Variants in FNIP1 observed in about 807,000 individuals in gnomAD.
FNIP1 encodes folliculin interacting protein 1.
A neutral mutation model predicts 124.5 loss-of-function variants in FNIP1; 40 were observed. The ratio of observed to expected loss-of-function variants is 0.32; its 90% CI spans 0.25 to 0.42. The LOEUF (loss-of-function observed/expected upper bound fraction) is 0.42. Ranked by LOEUF, FNIP1 falls within the 10% of genes least tolerant of loss-of-function variation. FNIP1 has a pLI of 1.00. For synonymous variants in FNIP1, 472 were observed against 470.6 expected (o/e 1.00, Z -0.04); for missense variants, 1,176 against 1,403.7 (o/e 0.84, Z 2.59).
Position 131,643,878 on chromosome 5 carries a change from A to T in FNIP1, c.*807T>A, listed in dbSNP as rs1250490090. The T allele has an allele frequency of 6.6e-6, 1 of 152,582 alleles. No individual in the cohort carries two copies. The highest frequency in any genetic ancestry group is 1.5e-5 in the Non-Finnish European group (1 of 68,022). 9.5% of individuals were successfully genotyped at this position (152,582 alleles called of 1,614,324 possible). On this transcript the variant is annotated 3_prime_UTR_variant, in exon 18 of 18. Transcript: ENST00000510461. ...AGTGAATATGTAAATATTAATATTT[A>T]TAAGAACAGTTCATACTTATAAACA...
At chr5:131,649,130 A>AGGTGC (rs2149502719) in intron 16 of FNIP1, among the ~76,000 whole-genome samples, 1 of 152,322 alleles carries the variant, frequency 6.6e-6, no homozygotes, top group South Asian at 2.1e-4. Context: ...AAGAGTATAT[A>AGGTGC]CTGCCTGAAT....
At chr5:131,745,511 C>A (rs981970032) in intron 1 of FNIP1, among the ~76,000 whole-genome samples, 2 of 151,900 alleles carry the variant, frequency 1.3e-5, no homozygotes, top group African/African-American at 2.4e-5. Context: ...CAGAATGAGA[C>A]CCTGTCTCAA....
intron 2 of FNIP1, among the ~76,000 whole-genome samples, chr5:131,735,448 T>TA (rs1051921451): frequency 2.9e-5 from 4 of 139,780 alleles, no homozygotes; most frequent in African/African-American, 1.1e-4. Context: ...CCCTAGAACT[T>TA]AAAGTATTTT....
intron 6 of FNIP1, among the ~76,000 whole-genome samples, chr5:131,711,000 A>C (rs891070922): frequency 2.6e-5 from 4 of 151,078 alleles, no homozygotes; most frequent in Non-Finnish European, 4.4e-5. Context: ...AAGTACGATA[A>C]TGTTATCTAT....
chr5:131,697,722 T>C (rs1195295443), intron 11 of FNIP1, among the ~76,000 whole-genome samples: 1 of 151,764 alleles, frequency 6.6e-6, no homozygotes, highest in African/African-American at 2.4e-5. Flanking sequence ...TCCCAGCACT[T>C]TGGGAGGCCA....
At chr5:131,649,603 G>T (rs1489895263) in intron 16 of FNIP1, among the ~76,000 whole-genome samples, 1 of 152,008 alleles carries the variant, frequency 6.6e-6, no homozygotes, top group Admixed American at 6.5e-5. Flanking sequence ...TTTATAGGTT[G>T]TCTTTTCACT....
At chr5:131,663,492 G>T (rs1469457469) in intron 15 of FNIP1, among the ~76,000 whole-genome samples, 1 of 152,032 alleles carries the variant, frequency 6.6e-6, no homozygotes, top group East Asian at 1.9e-4. Flanking sequence ...ATCCCTGTAG[G>T]TCTCATGACT....
chr5:131,703,733 G>A (rs1016929142), intron 10 of FNIP1, among the ~76,000 whole-genome samples: 3 of 152,098 alleles, frequency 2.0e-5, no homozygotes, highest in East Asian at 1.9e-4. Context: ...TTTCTTCACA[G>A]GACTTATTAC....
intron 1 of FNIP1, among the ~76,000 whole-genome samples, chr5:131,750,814 T>C (rs141882217): frequency 5.6e-4 from 86 of 152,236 alleles, no homozygotes; most frequent in Middle Eastern, 3.4e-3. Flanking sequence ...GGTTTTGCCA[T>C]GTTGGCCAGG....
intron 15 of FNIP1, among the ~76,000 whole-genome samples, chr5:131,667,065 T>C (rs1276945928): frequency 6.6e-6 from 1 of 152,134 alleles, no homozygotes; most frequent in African/African-American, 2.4e-5. Flanking sequence ...TAGAAACGGT[T>C]CCTTTACCCT....
At position 131,787,894 on chromosome 5, in the gene FNIP1, C is replaced by T. The variant is rs139129409; in HGVS notation, c.92+8936G>A. On this transcript the variant is annotated intron_variant, in intron 1 of 17. Coordinates refer to ENST00000510461, the MANE Select transcript of FNIP1 (RefSeq NM_133372.3). ...GAGAGGCCAACGTGGGACCACTGCT[C>T]GAAGTGAAGTTTGAGGCTGCAGTGA... 7.1e-4 allele frequency among the ~76,000 whole-genome samples: 108 copies of T among 152,044 alleles called. 2 individuals carry two copies. Among genetic ancestry groups the T allele is most frequent in the East Asian group, 6.4e-3 (33 of 5,150 alleles).
intron 5 of FNIP1, among the ~76,000 whole-genome samples, chr5:131,718,703 C>A (rs1397007499): frequency 6.6e-6 from 1 of 152,170 alleles, no homozygotes; most frequent in Non-Finnish European, 1.5e-5. Context: ...GGTAACTCAG[C>A]GTGGTACCGC....
chr5:131,760,315 T>C (rs1043876941), intron 1 of FNIP1, among the ~76,000 whole-genome samples: 1 of 152,172 alleles, frequency 6.6e-6, no homozygotes, highest in African/African-American at 2.4e-5. Context: ...AAAAAAAGTA[T>C]TGAGAAATAC....
intron 3 of FNIP1, among the ~76,000 whole-genome samples, chr5:131,729,640 T>A (rs1347565021): frequency 6.6e-6 from 1 of 152,186 alleles, no homozygotes; most frequent in East Asian, 1.9e-4. Context: ...TGCTATGGCA[T>A]GATCATAACT....
intron 11 of FNIP1, among the ~76,000 whole-genome samples, chr5:131,688,313 G>A (rs184201329): frequency 1.3e-5 from 2 of 150,458 alleles, no homozygotes; most frequent in Non-Finnish European, 3.0e-5. Flanking sequence ...AGGAAACTAT[G>A]GGAAAGTGAG....
At chr5:131,697,475 T>C (rs1580764130) in intron 11 of FNIP1, among the ~76,000 whole-genome samples, 1 of 152,120 alleles carries the variant, frequency 6.6e-6, no homozygotes, top group South Asian at 2.1e-4. Flanking sequence ...TTATAGCTAG[T>C]TTTATTATGG....
In FNIP1 at chr5:131,797,017, T is replaced by A. The variant is rs1406151957; in HGVS notation, c.-96A>T. 6.0e-6 allele frequency: 7 copies of A among 1,159,248 alleles called. No homozygotes were observed. The highest frequency in any genetic ancestry group is 1.6e-5 in the African/African-American group (1 of 62,176). The allele number at this position is 1,159,248 out of a possible 1,614,324, so 71.8% of individuals were successfully genotyped here. ...CACCCCCATGGGCGCCTCAGTCATA[T>A]GACAGAAATTAGTCACTTCAAACGG... On this transcript the variant is annotated 5_prime_UTR_variant, in exon 1 of 18. Transcript: ENST00000510461.
chr5:131,767,095 T>A (rs1771451082), intron 1 of FNIP1, among the ~76,000 whole-genome samples: 1 of 152,080 alleles, frequency 6.6e-6, no homozygotes, highest in Admixed American at 6.6e-5. Flanking sequence ...TCACTGCAAC[T>A]CTACTGCACT....
Position 131,671,618 on chromosome 5 carries a change from G to C in FNIP1, c.2826C>G (p.Ala942=). 6.2e-7 allele frequency: 1 copy of C among 1,613,932 alleles called. No individual in the cohort carries two copies. Among genetic ancestry groups the C allele is most frequent in the Non-Finnish European group, 8.5e-7 (1 of 1,179,990 alleles). Residue 942 remains alanine, a synonymous_variant, in exon 14 of 18, where the codon GCC becomes GCG. Transcript: ENST00000510461. ...DIPRNESSDS[A]LGDSESEDTG... ...TATCTTCACTTTCACTATCCCCAAG[G>C]GCACTGTCTGAACTTTCATTTCTTG...
Sources: allele counts gnomAD v4.1 joint callset (sites outside exome capture counted in the v4.1 genomes callset), GRCh38; gene constraint gnomAD v4.1.1; transcripts MANE v1.5; gene names NCBI Gene and HGNC (gene_info 2026-07-23, HGNC 2026-07-21).